MRPS35: variants seen among roughly 807,000 people sequenced by gnomAD.
MRPS35 encodes small ribosomal subunit protein mS35.
In MRPS35, 29 loss-of-function variants were observed where a neutral mutation model predicts 32.7. The observed-to-expected ratio is 0.89, with a 90% CI of 0.66 to 1.21. The LOEUF (loss-of-function observed/expected upper bound fraction) is 1.21. Ranked by LOEUF, MRPS35 falls within the 50% of genes most tolerant of loss-of-function variation. MRPS35 has a pLI of 0.00. For synonymous variants in MRPS35, 148 were observed against 139.3 expected (o/e 1.06, Z -0.44); for missense variants, 373 against 383.8 (o/e 0.97, Z 0.23).
At chr12:27,724,603 C>T (rs1273370801) in intron 5 of MRPS35, among the ~76,000 whole-genome samples, 1 of 151,994 alleles carries the variant, frequency 6.6e-6, no homozygotes, top group Non-Finnish European at 1.5e-5. Flanking sequence ...ATTAGCTGGG[C>T]GTGGTGGTGG....
intron 7 of MRPS35, among the ~76,000 whole-genome samples, chr12:27,747,437 GT>G (rs1439907089): frequency 6.6e-6 from 1 of 152,118 alleles, no homozygotes; most frequent in Non-Finnish European, 1.5e-5. Flanking sequence ...TTCAGTAAAT[GT>G]TTTTTAAAAC....
intron 2 of MRPS35, among the ~76,000 whole-genome samples, chr12:27,715,337 A>G (rs1208866885): frequency 1.3e-5 from 2 of 152,098 alleles, no homozygotes; most frequent in Non-Finnish European, 2.9e-5. Context: ...GGTTTTCACC[A>G]TGTTGGTCAG....
Position 27,719,809 on chromosome 12 carries a change from T to C in MRPS35, c.323T>C (p.Ile108Thr), listed in dbSNP as rs768205498. The C allele has an allele frequency of 6.3e-7, 1 of 1,590,952 alleles. No homozygotes were observed. The highest frequency in any genetic ancestry group is 1.7e-5 in the Admixed American group (1 of 59,746). The change falls in exon 4 of 8, where the codon ATT becomes ACT. Residue 108 changes from isoleucine to threonine, a missense_variant and splice_region_variant. Transcript: ENST00000081029. ...ATCTTTTAAATTTCTCTATTTAAGA[T>C]TCCCAATTTTCTGCATTTGACTCCT... Reference protein sequence around the residue: ...AKEGNLELLKIPNFLHLTPVA... With the variant: ...AKEGNLELLKTPNFLHLTPVA...
chr12:27,737,764 TTAAAAG>T (rs2061948346), intron 7 of MRPS35, among the ~76,000 whole-genome samples, 156 bp downstream of exon 7: 1 of 152,222 alleles, frequency 6.6e-6, no homozygotes, highest in Non-Finnish European at 1.5e-5. Flanking sequence ...TCTACTGACT[TTAAAAG>T]TAAAGGTCTT....
chr12:27,754,302 AAAAC>A (rs2062017726), intron 7 of MRPS35, among the ~76,000 whole-genome samples: 1 of 152,102 alleles, frequency 6.6e-6, no homozygotes, highest in Non-Finnish European at 1.5e-5. Flanking sequence ...ATTATGACTA[AAAAC>A]CACGTATTAT....
intron 5 of MRPS35, among the ~76,000 whole-genome samples, chr12:27,729,971 T>TA (rs1226871297): frequency 6.6e-6 from 1 of 152,254 alleles, no homozygotes; most frequent in Non-Finnish European, 1.5e-5. Flanking sequence ...AGTTACCTGA[T>TA]ATACTTTTTA....
chr12:27,751,102 C>CAAAAAAA (rs71438703), intron 7 of MRPS35, among the ~76,000 whole-genome samples: 280 of 36,956 alleles, frequency 7.6e-3, no homozygotes, highest in Middle Eastern at 0.033. Context: ...GACTCCATCT[C>CAAAAAAA]AAAAAAAAAA....
chr12:27,710,989 G>T (rs760734752), intron 1 of MRPS35, 34 bp downstream of exon 1: 3 of 1,589,184 alleles, frequency 1.9e-6, no homozygotes, highest in South Asian at 2.2e-5. Context: ...TGGGCTTTGG[G>T]GGAGGTGCAA....
intron 7 of MRPS35, among the ~76,000 whole-genome samples, chr12:27,753,513 C>G (rs891933001): frequency 6.6e-6 from 1 of 152,050 alleles, no homozygotes; most frequent in African/African-American, 2.4e-5. Context: ...TTCTTGGTGC[C>G]CACTCAGCTC....
At chr12:27,725,792 G>A (rs925178424) in intron 5 of MRPS35, 2 of 122,712 alleles carry the variant, frequency 1.6e-5, no homozygotes, top group African/African-American at 6.2e-5. Flanking sequence ...TTGATTCCTT[G>A]TATACCTTTT....
chr12:27,714,152 G>A (rs953710516), intron 1 of MRPS35, among the ~76,000 whole-genome samples: 2 of 151,404 alleles, frequency 1.3e-5, no homozygotes, highest in East Asian at 1.9e-4. Flanking sequence ...ACTAGGTTTC[G>A]TTCCCTGCTA....
At chr12:27,750,307 A>G (rs901691781) in intron 7 of MRPS35, among the ~76,000 whole-genome samples, 2 of 152,250 alleles carry the variant, frequency 1.3e-5, no homozygotes, top group African/African-American at 4.8e-5. Context: ...TTTAACTTCC[A>G]TAATACTCAG....
intron 7 of MRPS35, among the ~76,000 whole-genome samples, chr12:27,753,477 GT>G (rs2062014356): frequency 6.6e-6 from 1 of 151,992 alleles, no homozygotes; most frequent in Non-Finnish European, 1.5e-5. Flanking sequence ...GGGTGGGAGG[GT>G]GGCACGGGTG....
At chr12:27,712,668 A>T (rs1029190307) in intron 1 of MRPS35, among the ~76,000 whole-genome samples, 4 of 152,206 alleles carry the variant, frequency 2.6e-5, no homozygotes, top group African/African-American at 9.6e-5. Context: ...GAGCAATTGG[A>T]TGAATGATGA....
chr12:27,725,798 CTTTTTTTTT>C (rs1176188580), intron 5 of MRPS35: 2 of 68,246 alleles, frequency 2.9e-5, no homozygotes, highest in African/African-American at 7.6e-5. Flanking sequence ...CCTTGTATAC[CTTTTTTTTT>C]TTTTTTTTTT....
Position 27,754,733 on chromosome 12 carries a change from C to T in MRPS35, c.703-448C>T, listed in dbSNP as rs182029130. Among the ~76,000 whole-genome samples the T allele has an allele frequency of 4.1e-5, 6 of 145,762 alleles. No individual in the cohort carries two copies. In the East Asian group the frequency reaches 1.0e-3, roughly 24 times the overall value. ...TGTGAGCTGTGATTGTGCCACTGCA[C>T]TCCAGCCTGGGTGACAGAGTGAGAC... is the stretch of plus-strand genomic sequence containing the variant. On this transcript the variant is annotated intron_variant, in intron 7 of 7. Transcript: ENST00000081029.
At position 27,751,537 on chromosome 12, in the gene MRPS35, G is replaced by A. The variant is rs375720192; in HGVS notation, c.703-3644G>A. Among the ~76,000 whole-genome samples, 38 of 151,760 alleles carry A rather than the reference G, an allele frequency of 2.5e-4. 2 individuals carry two copies. In the East Asian group the frequency reaches 5.8e-3, roughly 23 times the overall value. ...CACCTTTATCTCGGCGGTTTGCTCCGGCTGTGTGGCTCCCGCGACCCCCAT... is the reference window on the plus strand; with the variant it reads ...CACCTTTATCTCGGCGGTTTGCTCCAGCTGTGTGGCTCCCGCGACCCCCAT... On this transcript the variant is annotated intron_variant, in intron 7 of 7. Transcript: ENST00000081029.
At chr12:27,725,642 C>T in intron 5 of MRPS35, 1 of 196,894 alleles carries the variant, frequency 5.1e-6, no homozygotes, top group Non-Finnish European at 1.1e-5. Flanking sequence ...TCTCACCAAC[C>T]TACATATTAC....
chr12:27,725,278 G>T (rs1214259333), intron 5 of MRPS35, among the ~76,000 whole-genome samples: 2 of 152,144 alleles, frequency 1.3e-5, no homozygotes, highest in Admixed American at 1.3e-4. Flanking sequence ...TACCAAGACA[G>T]TGTTTGAATC....
Sources: allele counts gnomAD v4.1 joint callset (sites outside exome capture counted in the v4.1 genomes callset), GRCh38; gene constraint gnomAD v4.1.1; transcripts MANE v1.5; gene names NCBI Gene and HGNC (gene_info 2026-07-23, HGNC 2026-07-21).